The following PCDHA5 variants were observed in gnomAD, a reference collection of about 807,000 sequenced individuals.
PCDHA5 encodes the protein protocadherin alpha-5.
Under a neutral mutation model 61.6 loss-of-function variants are expected in PCDHA5, and 43 were observed. The ratio of observed to expected loss-of-function variants is 0.70; its 90% confidence interval spans 0.55 to 0.90. PCDHA5 has a LOEUF of 0.90. Ranked by LOEUF, PCDHA5 falls within the 40% of genes least tolerant of loss-of-function variation. PCDHA5 has a pLI of 0.00. For synonymous variants in PCDHA5, 627 were observed against 543.9 expected (o/e 1.15, Z -2.13); for missense variants, 1,298 against 1,222.7 (o/e 1.06, Z -0.92).
At chr5:140,833,401 T>C (rs1772445861) in intron 1 of PCDHA5, among the ~76,000 whole-genome samples, 1 of 152,180 alleles carries the variant, frequency 6.6e-6, no homozygotes, top group South Asian at 2.1e-4. Flanking sequence ...CAAGACTTGA[T>C]CAAAGGGCTG....
At chr5:140,984,633 T>G (rs2097112196) in intron 3 of PCDHA5, among the ~76,000 whole-genome samples, 1 of 152,206 alleles carries the variant, frequency 6.6e-6, no homozygotes, top group African/African-American at 2.4e-5. Flanking sequence ...AAAGGGATTC[T>G]CTGCCTTCTC....
intron 1 of PCDHA5, chr5:140,842,493 C>T (rs1554139100): frequency 6.2e-7 from 1 of 1,613,738 alleles, no homozygotes; most frequent in Non-Finnish European, 8.5e-7. Context: ...TCCCTGATGC[C>T]CCATGTCCCC....
rs782070226 is a variant in PCDHA5 at position 141,010,142 on chromosome 5, C to G, written c.*205C>G. 1 of 1,588,326 alleles carries G rather than the reference C, an allele frequency of 6.3e-7. No homozygotes were observed. Among genetic ancestry groups the G allele is most frequent in the South Asian group, 1.1e-5 (1 of 88,492 alleles). On this transcript the variant is annotated 3_prime_UTR_variant, in exon 4 of 4. Transcript: ENST00000529859. ...TTACTAAGTCTGGTGTTAACTCTTTCTCTCCACTCTGGCTTGTTTTCAGAA... is the reference window on the plus strand; with the variant it reads ...TTACTAAGTCTGGTGTTAACTCTTTGTCTCCACTCTGGCTTGTTTTCAGAA...
At chr5:140,926,859 G>A in intron 1 of PCDHA5, 1 of 1,521,332 alleles carries the variant, frequency 6.6e-7, no homozygotes, top group Non-Finnish European at 8.8e-7. Context: ...CGTTGGTGTA[G>A]CGTGTTGGTG....
At chr5:140,997,374 A>G (rs1296402204) in intron 3 of PCDHA5, among the ~76,000 whole-genome samples, 1 of 152,212 alleles carries the variant, frequency 6.6e-6, no homozygotes, top group Non-Finnish European at 1.5e-5. Flanking sequence ...TAGATGATAT[A>G]GCATACTACA....
chr5:140,944,099 C>G (rs1585153302), intron 1 of PCDHA5, among the ~76,000 whole-genome samples: 1 of 152,264 alleles, frequency 6.6e-6, no homozygotes, highest in East Asian at 1.9e-4. Context: ...AAGTTTATAT[C>G]TCATGGGAAA....
chr5:140,988,268 G>A (rs1463795699), intron 3 of PCDHA5, among the ~76,000 whole-genome samples: 3 of 152,160 alleles, frequency 2.0e-5, no homozygotes, highest in Non-Finnish European at 4.4e-5. Context: ...AGTATCCTTC[G>A]CTGTCACCTG....
intron 1 of PCDHA5, among the ~76,000 whole-genome samples, chr5:140,977,466 T>A (rs1554238584): frequency 2.0e-5 from 3 of 152,246 alleles, no homozygotes; most frequent in African/African-American, 4.8e-5. Context: ...ATTTGGTCTG[T>A]AGATAATTTT....
chr5:140,836,323 T>C (rs2150257810), intron 1 of PCDHA5: 1 of 1,613,710 alleles, frequency 6.2e-7, no homozygotes, highest in South Asian at 1.1e-5. Context: ...CGCCACCGCC[T>C]TCTGGTGCTT....
intron 1 of PCDHA5, chr5:140,930,379 G>T (rs1249793792): frequency 6.6e-6 from 1 of 151,896 alleles, no homozygotes; most frequent in African/African-American, 2.4e-5. Flanking sequence ...GTGGCCCTTG[G>T]CATTTCAAAA....
chr5:140,942,924 T>A (rs2093394309), intron 1 of PCDHA5, among the ~76,000 whole-genome samples: 1 of 151,518 alleles, frequency 6.6e-6, no homozygotes, highest in African/African-American at 2.4e-5. Context: ...AAAAAAAAAA[T>A]TGAAAAAGAG....
intron 1 of PCDHA5, among the ~76,000 whole-genome samples, chr5:140,917,287 G>C (rs190210744): frequency 6.8e-6 from 1 of 147,568 alleles, no homozygotes; most frequent in Non-Finnish European, 1.5e-5. Context: ...ACGCTTTTCC[G>C]TGTGCAGATA....
At position 140,823,015 on chromosome 5, in the gene PCDHA5, C is replaced by G; in HGVS notation, c.1240C>G (p.Arg414Gly). The G allele has an allele frequency of 1.9e-6, 3 of 1,614,224 alleles. No homozygotes were observed. The highest frequency in any genetic ancestry group is 2.5e-6 in the Non-Finnish European group (3 of 1,180,040). Residue 414 changes from arginine to glycine, a missense_variant, in exon 1 of 4, where the codon CGC becomes GGC. By Grantham distance (125) the Arg-to-Gly change is moderately radical. Transcript: ENST00000529859. ...GTTGGTGCTGGACAGCGCCCTGGAC[C>G]GCGAGAGCGTGTCGGTCTATGAGCT... ...YSLVLDSALD[R>G]ESVSVYELVV...
At chr5:140,944,344 C>T (rs567913669) in intron 1 of PCDHA5, among the ~76,000 whole-genome samples, 5 of 152,238 alleles carry the variant, frequency 3.3e-5, no homozygotes, top group Admixed American at 2.0e-4. Context: ...CGTGCCACCA[C>T]ACCTGGCTAA....
chr5:141,003,104 C>G (rs1447493860), intron 3 of PCDHA5, among the ~76,000 whole-genome samples: 1 of 152,236 alleles, frequency 6.6e-6, no homozygotes, highest in East Asian at 1.9e-4. Context: ...ATTTGCTTCA[C>G]AATCTTCTGG....
intron 1 of PCDHA5, among the ~76,000 whole-genome samples, chr5:140,833,147 A>G (rs1412458710): frequency 2.6e-5 from 4 of 152,210 alleles, no homozygotes; most frequent in South Asian, 4.1e-4. Flanking sequence ...GTGTGAAGCA[A>G]TACGAATAAA....
In PCDHA5 at chr5:140,830,543, C is replaced by T. The variant is rs2150187615; in HGVS notation, c.2352+6416C>T. The T allele has an allele frequency of 2.5e-6, 3 of 1,178,256 alleles. No individual in the cohort carries two copies. In the South Asian group the frequency reaches 6.5e-5, roughly 25 times the overall value. 73.0% of individuals were successfully genotyped at this position (1,178,256 alleles called of 1,614,324 possible). On this transcript the variant is annotated intron_variant, in intron 1 of 3. Transcript: ENST00000529859. ...TTATTTTAAATTTATAATTGTTTTCCTCATATTTGTCTTCTATATTTCTGT... is the reference window on the plus strand; with the variant it reads ...TTATTTTAAATTTATAATTGTTTTCTTCATATTTGTCTTCTATATTTCTGT...
chr5:140,850,322 C>A (rs2150479524), intron 1 of PCDHA5: 3 of 1,597,382 alleles, frequency 1.9e-6, no homozygotes, highest in African/African-American at 1.3e-5. Context: ...GGCTTTCATA[C>A]GAGCTGCAGC....
At chr5:140,876,455 C>T (rs1554168573) in intron 1 of PCDHA5, 1 of 1,613,874 alleles carries the variant, frequency 6.2e-7, no homozygotes, top group African/African-American at 1.3e-5. Flanking sequence ...AAAGGGATTC[C>T]TTCCATGGCA....
Sources: gnomAD v4.1 joint callset for allele counts (sites outside exome capture counted in the v4.1 genomes callset) on GRCh38, gnomAD v4.1.1 for gene constraint, MANE v1.5 for transcripts, NCBI Gene and HGNC (gene_info 2026-07-23, HGNC 2026-07-21) for gene names.